Variants in ARHGAP10 observed in about 807,000 individuals in gnomAD.
ARHGAP10 encodes rho GTPase-activating protein 10.
A neutral mutation model predicts 108.6 loss-of-function variants in ARHGAP10; 87 were observed. The ratio of observed to expected loss-of-function variants is 0.80; its 90% CI spans 0.67 to 0.96. The LOEUF (loss-of-function observed/expected upper bound fraction) is 0.96, where lower values mean the gene tolerates loss of function less well. ARHGAP10 is among the 40% of genes least tolerant of loss of function. ARHGAP10 has a pLI of 0.00. For missense variants in ARHGAP10, 939 were observed against 954.5 expected (o/e 0.98, Z 0.21); for synonymous variants, 347 against 341.1 (o/e 1.02, Z -0.19).
intron 7 of ARHGAP10, among the ~76,000 whole-genome samples, chr4:147,870,744 C>T (rs981038536): frequency 3.3e-5 from 5 of 151,940 alleles, no homozygotes; most frequent in South Asian, 2.1e-4. Flanking sequence ...TTCTGTCTCC[C>T]GAAGAATGTG....
rs1435953298 is a variant in ARHGAP10, at chr4:147,732,180, G to T, written c.-122G>T. On this transcript the variant is annotated 5_prime_UTR_variant, in exon 1 of 23. Coordinates refer to ENST00000336498, the MANE Select transcript of ARHGAP10 (RefSeq NM_024605.4). ...CATGTCCGTGCCGCGCTCGCCGCGC[G>T]CCCGGGCCTGCTAGCTCCTCTGTGC... 4 of 1,000,358 alleles carry T rather than the reference G, an allele frequency of 4.0e-6. No homozygotes were observed. The highest frequency in any genetic ancestry group is 5.3e-6 in the Non-Finnish European group (4 of 751,834). The allele number at this position is 1,000,358 out of a possible 1,614,324, so 62.0% of individuals were successfully genotyped here.
At chr4:148,037,833 CAA>C (rs58928158) in intron 19 of ARHGAP10, among the ~76,000 whole-genome samples, 58 of 109,814 alleles carry the variant, frequency 5.3e-4, no homozygotes, top group African/African-American at 5.5e-4. Flanking sequence ...GACTCCGTCT[CAA>C]AAAAAAAAAA....
chr4:147,839,126 A>ATCTGTCTG (rs1280086467), intron 3 of ARHGAP10, among the ~76,000 whole-genome samples: 53 of 148,714 alleles, frequency 3.6e-4, no homozygotes, highest in African/African-American at 9.4e-4. Context: ...CTATCTATCT[A>ATCTGTCTG]TCTATCTATC....
At chr4:147,964,407 T>C (rs1739126330) in intron 16 of ARHGAP10, among the ~76,000 whole-genome samples, 1 of 152,212 alleles carries the variant, frequency 6.6e-6, no homozygotes, top group African/African-American at 2.4e-5. Context: ...TCGACGCTGG[T>C]GCTTCCCCAC....
At chr4:147,857,689 A>G in intron 5 of ARHGAP10, 35 bp downstream of exon 5, 2 of 1,390,284 alleles carry the variant, frequency 1.4e-6, no homozygotes, top group Non-Finnish European at 1.9e-6. Flanking sequence ...CGTTTTCAAA[A>G]TTTGATAAGC....
intron 16 of ARHGAP10, among the ~76,000 whole-genome samples, chr4:147,956,322 T>A (rs1738783136): frequency 6.6e-6 from 1 of 152,130 alleles, no homozygotes; most frequent in Non-Finnish European, 1.5e-5. Context: ...TTGCTTTAAA[T>A]GTTACCTTCT....
At chr4:147,876,370 A>T (rs1735057187) in intron 8 of ARHGAP10, among the ~76,000 whole-genome samples, 1 of 152,210 alleles carries the variant, frequency 6.6e-6, no homozygotes, top group Non-Finnish European at 1.5e-5. Context: ...AGGTGGGCAG[A>T]TCACGAGGTC....
chr4:147,931,257 G>C (rs776823960), intron 13 of ARHGAP10, among the ~76,000 whole-genome samples: 1 of 151,068 alleles, frequency 6.6e-6, no homozygotes, highest in Non-Finnish European at 1.5e-5. Flanking sequence ...ATGGAGATAA[G>C]CTTACCTTTT....
At chr4:148,034,472 C>A (rs980350611) in intron 19 of ARHGAP10, among the ~76,000 whole-genome samples, 1 of 151,892 alleles carries the variant, frequency 6.6e-6, no homozygotes, top group African/African-American at 2.4e-5. Context: ...CCCCTGCCAC[C>A]ACTCCCGGCT....
chr4:147,796,378 G>A lies in ARHGAP10; in HGVS notation c.155-26349G>A, dbSNP rs541355323. Among the ~76,000 whole-genome samples, 29 of 152,126 alleles carry A rather than the reference G, an allele frequency of 1.9e-4. No individual in the cohort carries two copies. In the South Asian group the frequency reaches 2.1e-3, roughly 11 times the overall value. On this transcript the variant is annotated intron_variant, in intron 1 of 22. Coordinates refer to ENST00000336498, the MANE Select transcript of ARHGAP10 (RefSeq NM_024605.4). ...ATCTGTGAGCATTTTTTTTAAAAGCGTAGTGGAAGGAGACACCTGGGAGGT... is the reference window on the plus strand; with the variant it reads ...ATCTGTGAGCATTTTTTTTAAAAGCATAGTGGAAGGAGACACCTGGGAGGT...
At chr4:147,809,987 A>G (rs1044821416) in intron 1 of ARHGAP10, among the ~76,000 whole-genome samples, 2 of 152,220 alleles carry the variant, frequency 1.3e-5, no homozygotes, top group East Asian at 1.9e-4. Context: ...GACTACTGCT[A>G]TTAACAACTG....
chr4:147,820,580 GTTTTTTTTTTTT>G (rs57534364), intron 1 of ARHGAP10, among the ~76,000 whole-genome samples: 26 of 49,044 alleles, frequency 5.3e-4, no homozygotes, highest in African/African-American at 1.8e-3. Context: ...ACCTCGGCCA[GTTTTTTTTTTTT>G]TTTTTTTTTT....
chr4:147,903,799 A>G (rs1453989094), intron 10 of ARHGAP10, among the ~76,000 whole-genome samples: 1 of 152,122 alleles, frequency 6.6e-6, no homozygotes, highest in East Asian at 1.9e-4. Context: ...ATTTCTTTTT[A>G]GCACCGAATA....
intron 10 of ARHGAP10, among the ~76,000 whole-genome samples, chr4:147,889,089 C>T (rs17614013): frequency 0.016 from 2,485 of 152,232 alleles, 107 homozygotes; most frequent in East Asian, 0.11. Flanking sequence ...CTGGATTAAA[C>T]GAAATTGAAT....
intron 18 of ARHGAP10, among the ~76,000 whole-genome samples, chr4:147,968,300 A>G (rs2149615663): frequency 6.6e-6 from 1 of 152,322 alleles, no homozygotes; most frequent in South Asian, 2.1e-4. Flanking sequence ...TATTAAGAAA[A>G]ATGCTGCTGA....
chr4:147,784,735 TATATTATAAATATATATTATAA>T (rs1730769366), intron 1 of ARHGAP10, among the ~76,000 whole-genome samples: 2 of 26,292 alleles, frequency 7.6e-5, no homozygotes, highest in Non-Finnish European at 3.1e-4. Flanking sequence ...TTATAAAATA[TATATTATAAATATATATTATAA>T]AATGTATATT....
At chr4:147,817,413 A>T (rs942553690) in intron 1 of ARHGAP10, among the ~76,000 whole-genome samples, 2 of 152,200 alleles carry the variant, frequency 1.3e-5, no homozygotes, top group African/African-American at 4.8e-5. Context: ...TTAACTAAAA[A>T]TTGTTGATAA....
intron 7 of ARHGAP10, 102 bp from the exon 8 acceptor site, chr4:147,874,919 G>C (rs1274004570): frequency 4.1e-6 from 5 of 1,228,948 alleles, no homozygotes; most frequent in Non-Finnish European, 5.3e-6. Flanking sequence ...AAGTTATTTA[G>C]AGTTAAAAAA....
chr4:148,031,623 CTG>C (rs1578808122), intron 19 of ARHGAP10, among the ~76,000 whole-genome samples: 1 of 152,204 alleles, frequency 6.6e-6, no homozygotes, highest in Admixed American at 6.5e-5. Flanking sequence ...CAGAGTTACT[CTG>C]TGCATTTCTA....
Sources: gnomAD v4.1 joint callset for allele counts (sites outside exome capture counted in the v4.1 genomes callset) on GRCh38, gnomAD v4.1.1 for gene constraint, MANE v1.5 for transcripts, NCBI Gene and HGNC (gene_info 2026-07-23, HGNC 2026-07-21) for gene names.